CR1: variants seen among roughly 807,000 people sequenced by gnomAD.
The protein encoded by CR1 is complement C3b/C4b receptor 1 (Knops blood group).
A neutral mutation model predicts 187.3 loss-of-function variants in CR1; 116 were observed. The ratio of observed to expected loss-of-function variants is 0.62; its 90% CI spans 0.53 to 0.72. The LOEUF is 0.72. CR1 is among the 30% of genes least tolerant of loss of function. The pLI is 0.00. For missense variants in CR1, 1,731 were observed against 2,110.7 expected, an observed-to-expected ratio of 0.82 and a Z score of 3.52; for synonymous variants, 576 against 747.1, an observed-to-expected ratio of 0.77 and a Z score of 3.73.
At chr1:207,572,438 A>G (rs536335219) in intron 27 of CR1, among the ~76,000 whole-genome samples, 2 of 152,018 alleles carry the variant, frequency 1.3e-5, no homozygotes, top group African/African-American at 4.8e-5. Flanking sequence ...AAAAGATTAC[A>G]AATTATTGAA....
intron 43 of CR1, 77 bp downstream of exon 43, chr1:207,620,142 G>C (rs1662272949): frequency 3.5e-6 from 5 of 1,430,284 alleles, no homozygotes; most frequent in Non-Finnish European, 1.9e-6. Flanking sequence ...TTGGCATCAA[G>C]TGTAGTGTGA....
intron 46 of CR1, among the ~76,000 whole-genome samples, chr1:207,631,603 CTT>C (rs1163136218): frequency 6.6e-6 from 1 of 152,186 alleles, no homozygotes; most frequent in African/African-American, 2.4e-5. Context: ...ATACTCCTCT[CTT>C]TTGTTCAAAT....
chr1:207,617,949 C>A, intron 41 of CR1, 122 bp from the exon 42 acceptor site: 3 of 1,035,482 alleles, frequency 2.9e-6, no homozygotes, highest in Non-Finnish European at 4.1e-6. Context: ...TGGCTTATGA[C>A]CTGGCTGGTT....
chr1:207,616,793 G>C lies in CR1; in HGVS notation c.6880G>C (p.Val2294Leu), dbSNP rs1558270621. ...SSPAPRCELS[V>L]PAACPHPPKI... is the part of the protein sequence containing the mutation. ...CCCTGCCCCTCGCTGTGAACTTTCT[G>C]TTCCTGCTGGTTAGTACCTGCTTCC... Residue 2294 changes from valine to leucine, a missense_variant, in exon 41 of 47, where the codon GTT (valine) becomes CTT (leucine). Val to Leu is a conservative substitution (Grantham distance 32). Around this residue, in one of 5 missense-constraint regions of CR1, gnomAD observed 1,312 missense variants for 1,379.6 expected, o/e 0.95. Transcript: ENST00000367049. 6.2e-7 allele frequency: 1 copy of C among 1,613,886 alleles called. No individual in the cohort carries two copies. Among genetic ancestry groups the C allele is most frequent in the East Asian group, 2.2e-5 (1 of 44,886 alleles).
intron 35 of CR1, among the ~76,000 whole-genome samples, chr1:207,598,121 G>C (rs1447561352): frequency 6.6e-6 from 1 of 152,176 alleles, no homozygotes; most frequent in Non-Finnish European, 1.5e-5. Flanking sequence ...AATACATCCA[G>C]TTTCTCATTG....
intron 1 of CR1, among the ~76,000 whole-genome samples, chr1:207,503,423 T>C (rs9429945): frequency 0.83 from 126,914 of 152,156 alleles, 53,288 homozygotes; most frequent in African/African-American, 0.91. Flanking sequence ...TTCTGGAGGC[T>C]GACGTCTAAA....
rs768874318 is a variant in CR1 at position 207,511,670 on chromosome 1, C to T, written c.487+16C>T. The T allele has an allele frequency of 6.9e-6, 11 of 1,603,280 alleles. No individual in the cohort carries two copies. The highest frequency in any genetic ancestry group is 6.7e-5 in the African/African-American group (5 of 74,652). ...ATTTGTGACAGTGAGTTGAAATATCCCTTCCTATTTCTTTTACCGACACAT... is the reference window on the plus strand; with the variant it reads ...ATTTGTGACAGTGAGTTGAAATATCTCTTCCTATTTCTTTTACCGACACAT... On this transcript the variant is annotated intron_variant, in intron 4 of 46. Coordinates refer to ENST00000367049, the MANE Select transcript of CR1 (RefSeq NM_000651.6).
At chr1:207,501,261 G>A (rs1330353284) in intron 1 of CR1, among the ~76,000 whole-genome samples, 1 of 152,194 alleles carries the variant, frequency 6.6e-6, no homozygotes, top group African/African-American at 2.4e-5. Context: ...ATTACAGAAG[G>A]GCATGAGGGA....
intron 4 of CR1, among the ~76,000 whole-genome samples, chr1:207,514,136 T>C (rs899040730): frequency 2.0e-5 from 3 of 152,166 alleles, no homozygotes; most frequent in African/African-American, 7.2e-5. Flanking sequence ...TTTGAGTACA[T>C]TTTTGAAAGG....
intron 29 of CR1, among the ~76,000 whole-genome samples, chr1:207,578,705 C>G (rs1660844426): frequency 6.6e-6 from 1 of 152,208 alleles, no homozygotes; most frequent in African/African-American, 2.4e-5. Context: ...GTATCAGACC[C>G]CAGAGTCTGA....
At chr1:207,635,560 A>G (rs1161438993) in intron 46 of CR1, among the ~76,000 whole-genome samples, 2 of 152,114 alleles carry the variant, frequency 1.3e-5, no homozygotes, top group Non-Finnish European at 2.9e-5. Flanking sequence ...GAGACATTCC[A>G]TTGCCCAGGG....
chr1:207,621,905 G>T (rs1662325161), intron 43 of CR1, 68 bp from the exon 44 acceptor site: 5 of 1,325,344 alleles, frequency 3.8e-6, no homozygotes, highest in Admixed American at 2.3e-5. Flanking sequence ...CTTGTCACTG[G>T]CTGAGAGGTC....
intron 4 of CR1, among the ~76,000 whole-genome samples, chr1:207,515,286 T>C (rs1218111024): frequency 6.8e-6 from 1 of 148,092 alleles, no homozygotes; most frequent in Non-Finnish European, 1.5e-5. Flanking sequence ...TATAGGTATA[T>C]GTATACATAT....
In CR1 at chr1:207,584,548, C is replaced by T. The variant is rs189190196; in HGVS notation, c.5303-101C>T. The stretch of plus-strand genomic sequence containing the variant: ...TCTACTTTCCTTAAGAAGAAAAGTA[C>T]GCTTAATTGGCAACACAGTCACAGT... On this transcript the variant is annotated intron_variant, in intron 32 of 46. Transcript: ENST00000367049. 1.5e-4 allele frequency: 207 copies of T among 1,390,252 alleles called. 1 individual carries two copies. The African/African-American group carries it at 1.6e-3, about 11-fold the overall frequency. 86.1% of individuals were successfully genotyped at this position (1,390,252 alleles called of 1,614,324 possible). A position where few individuals can be genotyped will look rare whatever the true frequency, so the allele number is the denominator to read the frequency against.
At chr1:207,596,083 A>C (rs1041780054) in intron 35 of CR1, among the ~76,000 whole-genome samples, 17 of 148,748 alleles carry the variant, frequency 1.1e-4, no homozygotes, top group Admixed American at 3.4e-4. Flanking sequence ...ATCTATATAT[A>C]TATATATAAT....
Position 207,609,450 on chromosome 1 carries a change from C to T in CR1, c.6057C>T (p.Thr2019=). ...TGGGAGAACGGTCAATATATTGCAC[C>T]AGCAAAGATGATCAAGTTGGTGTTT... is the stretch of plus-strand genomic sequence containing the variant. ...ELVGERSIYC[T]SKDDQVGVWS... is the part of the protein sequence containing the mutation. The change falls in exon 37 of 47, where the codon ACC becomes ACT. Residue 2019 remains threonine, a synonymous_variant. Transcript: ENST00000367049. 6.2e-7 allele frequency: 1 copy of T among 1,613,976 alleles called. No homozygotes were observed. Among genetic ancestry groups the T allele is most frequent in the Middle Eastern group, 1.6e-4 (1 of 6,062 alleles).
intron 4 of CR1, among the ~76,000 whole-genome samples, chr1:207,515,178 C>CAT (rs57573620): frequency 0.85 from 116,326 of 136,394 alleles, 51,885 homozygotes; most frequent in East Asian, 0.98. Flanking sequence ...TAGGTATATA[C>CAT]ATATATACGT....
chr1:207,577,430 A>G (rs915195260), intron 28 of CR1, among the ~76,000 whole-genome samples: 1 of 152,222 alleles, frequency 6.6e-6, no homozygotes, highest in Non-Finnish European at 1.5e-5. Context: ...TGGTAATTTG[A>G]AATTAAAAAA....
intron 33 of CR1, 58 bp downstream of exon 33, chr1:207,584,934 C>T: frequency 6.3e-7 from 1 of 1,596,626 alleles, no homozygotes; most frequent in Non-Finnish European, 8.6e-7. Flanking sequence ...CCCAATCCCT[C>T]ATGTTTCTGT....
Sources: allele counts gnomAD v4.1 joint callset (sites outside exome capture counted in the v4.1 genomes callset), GRCh38; gene constraint gnomAD v4.1.1; regional missense constraint gnomAD v4.1.1; transcripts MANE v1.5; gene names NCBI Gene and HGNC (gene_info 2026-07-23, HGNC 2026-07-21).